CCT4: variants seen among roughly 807,000 people sequenced by gnomAD.
CCT4 encodes the protein T-complex protein 1 subunit delta.
In CCT4, 17 loss-of-function variants were observed where a neutral mutation model predicts 62.5. The observed-to-expected ratio is 0.27, with a 90% CI of 0.19 to 0.41. The LOEUF (loss-of-function observed/expected upper bound fraction) is 0.41. CCT4 is among the 10% of genes least tolerant of loss of function. The pLI, the probability that CCT4 is intolerant of heterozygous loss-of-function variation, is 1.00. For synonymous variants in CCT4, 250 were observed against 229.9 expected (o/e 1.09, Z -0.79); for missense variants, 592 against 659.2 (o/e 0.90, Z 1.12).
intron 1 of CCT4, 116 bp downstream of exon 1, chr2:61,888,265 G>A (rs1486106462): frequency 4.0e-6 from 5 of 1,260,198 alleles, no homozygotes; most frequent in African/African-American, 3.0e-5. Flanking sequence ...CTTCTATAGG[G>A]AGGACAAGAG....
intron 1 of CCT4, among the ~76,000 whole-genome samples, chr2:61,887,531 C>T (rs1669285466): frequency 6.6e-6 from 1 of 152,250 alleles, no homozygotes; most frequent in African/African-American, 2.4e-5. Context: ...AAAAGAACTA[C>T]TATACTCAAT....
At chr2:61,884,512 T>C (rs920006608) in intron 2 of CCT4, among the ~76,000 whole-genome samples, 1 of 151,828 alleles carries the variant, frequency 6.6e-6, no homozygotes, top group Admixed American at 6.6e-5. Flanking sequence ...GGTTTCACCA[T>C]ATTGGCCAGG....
At chr2:61,874,508 G>C (rs1358024019) in intron 8 of CCT4, among the ~76,000 whole-genome samples, 6 of 151,928 alleles carry the variant, frequency 3.9e-5, no homozygotes, top group African/African-American at 1.5e-4. Flanking sequence ...TATTTCAGGA[G>C]GCTGAGGAAG....
At chr2:61,883,626 G>A in intron 2 of CCT4, 78 bp from the exon 3 acceptor site, 1 of 737,008 alleles carries the variant, frequency 1.4e-6, no homozygotes, top group Non-Finnish European at 2.2e-6. Flanking sequence ...TCAAAATAGA[G>A]AAGTTAATTT....
chr2:61,870,198 A>T (rs994682381), intron 12 of CCT4, among the ~76,000 whole-genome samples: 1 of 151,394 alleles, frequency 6.6e-6, no homozygotes, highest in African/African-American at 2.4e-5. Flanking sequence ...AATCGCTTGA[A>T]CCCAGGAGGC....
Position 61,872,445 on chromosome 2 carries a change from AC to A in CCT4, c.1256+12del, listed in dbSNP as rs781545917. ...GTTCAAAATGTTACTTAATAATGTA[AC>A]ACTGACATTACCTCTTCTTCACTAA... is the stretch of plus-strand genomic sequence containing the variant. On this transcript the variant is annotated intron_variant, in intron 11 of 13. Coordinates refer to ENST00000394440, the MANE Select transcript of CCT4 (RefSeq NM_006430.4). The A allele has an allele frequency of 6.2e-7, 1 of 1,601,670 alleles. No homozygotes were observed. The highest frequency in any genetic ancestry group is 1.7e-5 in the Admixed American group (1 of 58,892).
intron 10 of CCT4, 67 bp from the exon 11 acceptor site, chr2:61,872,655 C>G: frequency 6.5e-7 from 1 of 1,548,924 alleles, no homozygotes; most frequent in African/African-American, 1.4e-5. Flanking sequence ...AGGCCGGGCA[C>G]GGCGGCTCAC....
chr2:61,878,778 G>T, intron 5 of CCT4, 91 bp downstream of exon 5: 1 of 819,676 alleles, frequency 1.2e-6, no homozygotes. Flanking sequence ...CCACTCTTGA[G>T]ATTTAGTATT....
intron 2 of CCT4, among the ~76,000 whole-genome samples, chr2:61,883,801 C>G (rs1289505942): frequency 4.0e-5 from 6 of 148,192 alleles, no homozygotes; most frequent in Admixed American, 4.0e-4. Flanking sequence ...CACACACACA[C>G]ACACACACAC....
intron 5 of CCT4, among the ~76,000 whole-genome samples, chr2:61,877,892 G>T (rs1489431458): frequency 6.6e-6 from 1 of 152,166 alleles, no homozygotes; most frequent in Non-Finnish European, 1.5e-5. Flanking sequence ...GATAAAAATT[G>T]CTAACATTTA....
At chr2:61,879,963 G>C (rs1411897055) in intron 4 of CCT4, among the ~76,000 whole-genome samples, 4 of 151,816 alleles carry the variant, frequency 2.6e-5, no homozygotes, top group Non-Finnish European at 5.9e-5. Flanking sequence ...CCTGACCTCA[G>C]GGGATCCACC....
At chr2:61,876,856 A>C in intron 7 of CCT4, 64 bp downstream of exon 7, 1 of 1,376,972 alleles carries the variant, frequency 7.3e-7, no homozygotes, top group Admixed American at 2.3e-5. Flanking sequence ...ATTTTTAATA[A>C]AGAAATGCCT....
At chr2:61,873,719 C>T (rs1668934912) in intron 8 of CCT4, among the ~76,000 whole-genome samples, 1 of 152,178 alleles carries the variant, frequency 6.6e-6, no homozygotes, top group African/African-American at 2.4e-5. Flanking sequence ...GCTCCCGCCA[C>T]CACACCTGGC....
At chr2:61,876,072 G>T in intron 8 of CCT4, 23 bp downstream of exon 8, 2 of 1,518,910 alleles carry the variant, frequency 1.3e-6, no homozygotes, top group South Asian at 1.2e-5. Context: ...ATTAAGGGAT[G>T]AACAAAATAA....
intron 1 of CCT4, among the ~76,000 whole-genome samples, chr2:61,887,154 TG>T (rs1253823020): frequency 6.6e-6 from 1 of 152,242 alleles, no homozygotes; most frequent in African/African-American, 2.4e-5. Flanking sequence ...CGTTTCCAGG[TG>T]TATTATCTCC....
chr2:61,877,269 AC>A, intron 6 of CCT4, 123 bp downstream of exon 6: 1 of 1,082,576 alleles, frequency 9.2e-7, no homozygotes. Context: ...ACAAATTCTC[AC>A]GAAAACAAAA....
chr2:61,876,347 T>C, intron 7 of CCT4, 113 bp from the exon 8 acceptor site: 1 of 684,212 alleles, frequency 1.5e-6, no homozygotes. Context: ...CTATATCAAG[T>C]AATAAATTAT....
chr2:61,878,472 A>G (rs1405969322), intron 5 of CCT4, among the ~76,000 whole-genome samples: 1 of 152,196 alleles, frequency 6.6e-6, no homozygotes, highest in Admixed American at 6.5e-5. Flanking sequence ...AGGGCCTTGA[A>G]GAGGACAATA....
chr2:61,884,023 G>C (rs2105140831), intron 2 of CCT4, among the ~76,000 whole-genome samples: 1 of 152,186 alleles, frequency 6.6e-6, no homozygotes, highest in East Asian at 1.9e-4. Flanking sequence ...TGAATATCCA[G>C]AGCGGAGAAT....
Sources: allele counts gnomAD v4.1 joint callset (sites outside exome capture counted in the v4.1 genomes callset), GRCh38; gene constraint gnomAD v4.1.1; transcripts MANE v1.5; gene names NCBI Gene and HGNC (gene_info 2026-07-23, HGNC 2026-07-21).